Variants in CGAS observed in about 807,000 individuals in gnomAD.
CGAS encodes cyclic GMP-AMP synthase.
A neutral mutation model predicts 34.0 loss-of-function variants in CGAS; 31 were observed. That is an observed-to-expected ratio of 0.91 (90% CI 0.69 to 1.23). The LOEUF (loss-of-function observed/expected upper bound fraction) is 1.23. Ranked by LOEUF, CGAS falls within the 50% of genes most tolerant of loss-of-function variation. The pLI, the probability that CGAS is intolerant of heterozygous loss-of-function variation, is 0.00. For synonymous variants in CGAS, 266 were observed against 260.0 expected, an observed-to-expected ratio of 1.02 and a Z score of -0.22; for missense variants, 597 against 657.6, an observed-to-expected ratio of 0.91 and a Z score of 1.01.
intron 3 of CGAS, among the ~76,000 whole-genome samples, chr6:73,435,777 TTA>T (rs1491148805): frequency 3.8e-4 from 18 of 46,820 alleles, no homozygotes; most frequent in African/African-American, 2.7e-4. Flanking sequence ...TGTGTCTACT[TTA>T]AAAAAAAAAA....
intron 3 of CGAS, among the ~76,000 whole-genome samples, chr6:73,429,214 AAG>A (rs1392464532): frequency 6.6e-6 from 1 of 151,880 alleles, no homozygotes; most frequent in African/African-American, 2.4e-5. Context: ...AAGAAAGAAA[AAG>A]AAAATATTCT....
intron 2 of CGAS, 54 bp from the exon 3 acceptor site, chr6:73,440,499 A>G: frequency 7.3e-7 from 1 of 1,372,580 alleles, no homozygotes; most frequent in Non-Finnish European, 1.0e-6. Context: ...TTTTCTCTGG[A>G]AATACAGGGG....
At chr6:73,433,098 A>C (rs1460229847) in intron 3 of CGAS, among the ~76,000 whole-genome samples, 1 of 152,060 alleles carries the variant, frequency 6.6e-6, no homozygotes, top group Non-Finnish European at 1.5e-5. Flanking sequence ...TAAATAAATA[A>C]ATAAATAGTT....
At chr6:73,449,909 C>T (rs1164948183) in intron 1 of CGAS, among the ~76,000 whole-genome samples, 1 of 151,860 alleles carries the variant, frequency 6.6e-6, no homozygotes, top group Non-Finnish European at 1.5e-5. Context: ...GCAGGAGAAT[C>T]GCTTGAACCT....
At chr6:73,436,277 A>C (rs923133742) in intron 3 of CGAS, among the ~76,000 whole-genome samples, 2 of 94,458 alleles carry the variant, frequency 2.1e-5, no homozygotes, top group African/African-American at 7.8e-5. Context: ...ACCAATATTG[A>C]TACATTATTG....
intron 4 of CGAS, among the ~76,000 whole-genome samples, chr6:73,427,143 C>T (rs890862683): frequency 1.3e-5 from 2 of 151,380 alleles, no homozygotes; most frequent in Non-Finnish European, 2.9e-5. Context: ...AGCCACTGTG[C>T]CTGGCCAACA....
rs151244510 is a variant in CGAS, at chr6:73,424,291, G to A, written c.*936C>T. ...TTACTAAAAATACAAAAAATTAGCC[G>A]GATGTGGTGGCGGGCACCTGTAGTC... On this transcript the variant is annotated 3_prime_UTR_variant, in exon 5 of 5. Coordinates refer to ENST00000370315, the MANE Select transcript of CGAS (RefSeq NM_138441.3). 0.053 allele frequency: 8,039 copies of A among 152,080 alleles called. 390 individuals carry two copies. The highest frequency in any genetic ancestry group is 0.14 in the Admixed American group (2,134 of 15,220). The allele number at this position is 152,080 out of a possible 1,614,324, so 9.4% of individuals were successfully genotyped here.
chr6:73,451,407 T>A, intron 1 of CGAS, 118 bp downstream of exon 1: 1 of 1,179,540 alleles, frequency 8.5e-7, no homozygotes, highest in Non-Finnish European at 1.2e-6. Context: ...CCGAAAAACA[T>A]GCAAAAGTCT....
In CGAS at chr6:73,424,282, A is replaced by C. The variant is rs1274984170; in HGVS notation, c.*945T>G. ...ACCCCATCTTTACTAAAAATACAAA[A>C]AATTAGCCGGATGTGGTGGCGGGCA... On this transcript the variant is annotated 3_prime_UTR_variant, in exon 5 of 5. Coordinates refer to ENST00000370315, the MANE Select transcript of CGAS (RefSeq NM_138441.3). The C allele has an allele frequency of 6.6e-6, 1 of 152,138 alleles. No individual in the cohort carries two copies. Among genetic ancestry groups the C allele is most frequent in the African/African-American group, 2.4e-5 (1 of 41,398 alleles). The allele number at this position is 152,138 out of a possible 1,614,324, so 9.4% of individuals were successfully genotyped here.
intron 1 of CGAS, among the ~76,000 whole-genome samples, chr6:73,449,121 A>G (rs1036922921): frequency 6.6e-6 from 1 of 152,210 alleles, no homozygotes; most frequent in African/African-American, 2.4e-5. Flanking sequence ...AGAAAAAAAG[A>G]AAAAGTTTTA....
chr6:73,442,681 C>T (rs1368108060), intron 2 of CGAS, among the ~76,000 whole-genome samples: 1 of 150,786 alleles, frequency 6.6e-6, no homozygotes, highest in East Asian at 1.9e-4. Context: ...TCACTGCAAC[C>T]TCTGTCTCCC....
Position 73,443,794 on chromosome 6 carries a change from A to G in CGAS, c.877+1734T>C, listed in dbSNP as rs956911588. On this transcript the variant is annotated intron_variant, in intron 2 of 4. Transcript: ENST00000370315. Reference sequence around the variant, plus strand: ...AATTGCAGTGAGTGCTCTGAAGGGAATAAACTGGGAAAAGTGATAGCAATT... The same window carrying G: ...AATTGCAGTGAGTGCTCTGAAGGGAGTAAACTGGGAAAAGTGATAGCAATT... Among the ~76,000 whole-genome samples, 4 of 152,218 alleles carry G rather than the reference A, an allele frequency of 2.6e-5. No individual in the cohort carries two copies. In the South Asian group the frequency reaches 6.2e-4, roughly 24 times the overall value.
At chr6:73,437,306 T>G (rs1225939444) in intron 3 of CGAS, among the ~76,000 whole-genome samples, 1 of 152,182 alleles carries the variant, frequency 6.6e-6, no homozygotes, top group Non-Finnish European at 1.5e-5. Context: ...AGCTTTGACT[T>G]TGGAACCACG....
intron 1 of CGAS, among the ~76,000 whole-genome samples, chr6:73,447,572 C>A (rs537333858): frequency 2.8e-4 from 42 of 152,256 alleles, no homozygotes; most frequent in Non-Finnish European, 5.7e-4. Flanking sequence ...CGTGAGCCAC[C>A]ATGCCTGGCC....
intron 4 of CGAS, among the ~76,000 whole-genome samples, chr6:73,427,277 A>T (rs1429315680): frequency 8.4e-5 from 9 of 107,286 alleles, no homozygotes; most frequent in Admixed American, 5.6e-4. Flanking sequence ...TGGCCAACTT[A>T]CTTTATTTAT....
chr6:73,449,318 T>C (rs1770522251), intron 1 of CGAS, among the ~76,000 whole-genome samples: 1 of 151,064 alleles, frequency 6.6e-6, no homozygotes, highest in Admixed American at 6.6e-5. Flanking sequence ...CTACTAAAAA[T>C]ACAAAAATTA....
In CGAS at chr6:73,452,147, G is replaced by T. The variant is rs1306771526; in HGVS notation, c.35C>A (p.Ala12Asp). 6.2e-7 allele frequency: 1 copy of T among 1,608,700 alleles called. No homozygotes were observed. Among genetic ancestry groups the T allele is most frequent in the South Asian group, 1.1e-5 (1 of 90,392 alleles). Residue 12 changes from alanine (A) to aspartate (D), a missense_variant, in exon 1 of 5, where the codon GCT (alanine) becomes GAT (aspartate). Transcript: ENST00000370315. ...GGGGGCAGTGGCTCCGGCCTCGGAA[G>T]CTCTCTGCATGGCCTTTCCGTGCCA... ...QPWHGKAMQR[A>D]SEAGATAPKA...
At chr6:73,429,565 G>A (rs964406846) in intron 3 of CGAS, among the ~76,000 whole-genome samples, 12 of 152,114 alleles carry the variant, frequency 7.9e-5, no homozygotes, top group Non-Finnish European at 4.4e-5. Flanking sequence ...GGTGGCTCAC[G>A]CCTGTAATCC....
intron 3 of CGAS, among the ~76,000 whole-genome samples, chr6:73,435,104 T>C (rs117103073): frequency 0.034 from 5,141 of 152,120 alleles, 299 homozygotes; most frequent in Admixed American, 0.15. Context: ...GGGAGGATCA[T>C]TGAGCTCAGT....
Sources: gnomAD v4.1 joint callset for allele counts (sites outside exome capture counted in the v4.1 genomes callset) on GRCh38, gnomAD v4.1.1 for gene constraint, MANE v1.5 for transcripts, NCBI Gene and HGNC (gene_info 2026-07-23, HGNC 2026-07-21) for gene names.